The following NCAM1 variants were observed in gnomAD, a reference collection of about 807,000 sequenced individuals.
NCAM1 encodes neural cell adhesion molecule 1.
A neutral mutation model predicts 109.8 loss-of-function variants in NCAM1; 14 were observed. The observed-to-expected ratio is 0.13, with a 90% CI of 0.08 to 0.20. NCAM1 has a LOEUF of 0.20. Among genes scored for constraint, NCAM1 ranks in the 10% least tolerant of loss-of-function variants. The probability of loss-of-function intolerance (pLI) is 1.00; values close to 1 mark genes in which losing one functional copy is unlikely to be tolerated. For missense variants in NCAM1, 774 were observed against 1,109.9 expected (o/e 0.70, Z 4.30); for synonymous variants, 418 against 442.9 (o/e 0.94, Z 0.70).
chr11:113,232,539 G>C (rs1403955100), intron 11 of NCAM1, among the ~76,000 whole-genome samples, 179 bp from the exon 12 acceptor site: 1 of 152,110 alleles, frequency 6.6e-6, no homozygotes, highest in Non-Finnish European at 1.5e-5. Flanking sequence ...TCCCCTCCCT[G>C]AATGTGCCTC....
chr11:113,115,842 C>T (rs1261380852), intron 1 of NCAM1, among the ~76,000 whole-genome samples: 1 of 152,156 alleles, frequency 6.6e-6, no homozygotes, highest in African/African-American at 2.4e-5. Context: ...TGGGATGTCT[C>T]TTTCTTAGTT....
At position 113,256,063 on chromosome 11, in the gene NCAM1, G is replaced by C. The variant is rs1945827025; in HGVS notation, c.1953+62G>C. 9 of 1,548,884 alleles carry C rather than the reference G, an allele frequency of 5.8e-6. No homozygotes were observed. In the Admixed American group the frequency reaches 1.2e-4, roughly 20 times the overall value. The stretch of plus-strand genomic sequence containing the variant: ...GCAACCCTGGCACCCAGCTTGCTAG[G>C]GAAACAACAGGGGCAGCCCACGGGG... On this transcript the variant is annotated intron_variant, in intron 16 of 19. Coordinates refer to ENST00000316851, the MANE Select transcript of NCAM1 (RefSeq NM_181351.5).
At chr11:113,047,914 T>C (rs1324529408) in intron 1 of NCAM1, among the ~76,000 whole-genome samples, 1 of 152,150 alleles carries the variant, frequency 6.6e-6, no homozygotes, top group Non-Finnish European at 1.5e-5. Flanking sequence ...TGGGGAATTA[T>C]GGTAGCTACA....
intron 1 of NCAM1, among the ~76,000 whole-genome samples, chr11:112,972,365 T>C (rs560168377): frequency 1.3e-4 from 20 of 152,236 alleles, no homozygotes; most frequent in African/African-American, 3.6e-4. Context: ...CCACAAGTAT[T>C]TATGTGGCAG....
chr11:113,022,052 CTAA>C (rs1339398857), intron 1 of NCAM1, among the ~76,000 whole-genome samples: 1 of 152,174 alleles, frequency 6.6e-6, no homozygotes, highest in Non-Finnish European at 1.5e-5. Context: ...ACAGAAACTC[CTAA>C]CAGTTGGTCT....
Position 113,264,919 on chromosome 11 carries a change from C to T in NCAM1, c.2131+4596C>T, listed in dbSNP as rs552788232. The T allele has an allele frequency of 1.7e-5, 17 of 985,724 alleles. No individual in the cohort carries two copies. In the African/African-American group the frequency reaches 2.8e-4, roughly 16 times the overall value. The allele number at this position is 985,724 out of a possible 1,614,324, so 61.1% of individuals were successfully genotyped here. ...CCTGGTGACAGCTGCAGCCCCAGCC[C>T]CGCCAGGAGTCCTGGAGACAGCAGC... On this transcript the variant is annotated intron_variant, in intron 17 of 19. Coordinates refer to ENST00000316851, the MANE Select transcript of NCAM1 (RefSeq NM_181351.5).
At chr11:113,225,349 GAATGA>G (rs1358756331) in intron 9 of NCAM1, among the ~76,000 whole-genome samples, 1 of 152,154 alleles carries the variant, frequency 6.6e-6, no homozygotes, top group South Asian at 2.1e-4. Flanking sequence ...AAGATCAAAT[GAATGA>G]AATGAAGTGA....
At chr11:113,102,622 CA>C (rs1267663979) in intron 1 of NCAM1, among the ~76,000 whole-genome samples, 1 of 152,100 alleles carries the variant, frequency 6.6e-6, no homozygotes, top group Non-Finnish European at 1.5e-5. Flanking sequence ...TACCTGTTTG[CA>C]ACTTGGTATT....
chr11:112,980,385 A>G (rs1360600084), intron 1 of NCAM1, among the ~76,000 whole-genome samples: 1 of 151,858 alleles, frequency 6.6e-6, no homozygotes, highest in Admixed American at 6.6e-5. Flanking sequence ...ATGTTCATGG[A>G]ACATTATTAA....
At chr11:113,033,384 T>G (rs1555078610) in intron 1 of NCAM1, among the ~76,000 whole-genome samples, 1 of 152,040 alleles carries the variant, frequency 6.6e-6, no homozygotes, top group Admixed American at 6.6e-5. Context: ...GGGGTGGAGT[T>G]GGGGGTGCCC....
At chr11:113,250,695 C>T (rs1274898911) in intron 15 of NCAM1, among the ~76,000 whole-genome samples, 4 of 152,210 alleles carry the variant, frequency 2.6e-5, no homozygotes, top group African/African-American at 7.2e-5. Flanking sequence ...ATGCAAGCCC[C>T]ACATTTATCA....
At chr11:113,062,642 G>A (rs1389903303) in intron 1 of NCAM1, among the ~76,000 whole-genome samples, 1 of 152,070 alleles carries the variant, frequency 6.6e-6, no homozygotes, top group African/African-American at 2.4e-5. Flanking sequence ...AGGGGTCAGG[G>A]ACGACCTCTC....
At chr11:113,242,180 A>G (rs72995533) in intron 14 of NCAM1, among the ~76,000 whole-genome samples, 12,949 of 152,338 alleles carry the variant, frequency 0.085, 1,095 homozygotes, top group East Asian at 0.4. Flanking sequence ...AATGTGAAGA[A>G]CACAAAACAT....
chr11:113,007,113 A>G (rs990345018), intron 1 of NCAM1, among the ~76,000 whole-genome samples: 1 of 152,196 alleles, frequency 6.6e-6, no homozygotes, highest in Admixed American at 6.5e-5. Flanking sequence ...CAACTTTCCA[A>G]ATAATTACAC....
rs1223313861 is a variant in NCAM1 at position 113,273,764 on chromosome 11, G to T, written c.2457-1503G>T. On this transcript the variant is annotated intron_variant, in intron 19 of 19. Coordinates refer to ENST00000316851, the MANE Select transcript of NCAM1 (RefSeq NM_181351.5). The surrounding 1 kb of genome is among the most constrained non-coding windows in gnomAD (Gnocchi z 6.0). The stretch of plus-strand genomic sequence containing the variant: ...CAAAGACCGAGTACGGCCTCTCTTT[G>T]TCTGCTGTCATCGGGTTGTGTCCTG... The T allele has an allele frequency of 9.4e-6, 4 of 425,768 alleles. No homozygotes were observed. Among genetic ancestry groups the T allele is most frequent in the Admixed American group, 2.5e-5 (1 of 39,528 alleles). The allele number at this position is 425,768 out of a possible 1,614,324, so 26.4% of individuals were successfully genotyped here.
chr11:113,210,005 G>T (rs1263322283), intron 7 of NCAM1, among the ~76,000 whole-genome samples: 1 of 152,092 alleles, frequency 6.6e-6, no homozygotes, highest in Non-Finnish European at 1.5e-5. Context: ...TGTGGACAGG[G>T]GCTGTGTCTG....
intron 17 of NCAM1, chr11:113,262,708 C>G (rs782606649): frequency 3.3e-6 from 3 of 915,366 alleles, no homozygotes; most frequent in Non-Finnish European, 4.8e-6. Flanking sequence ...CTCTACCTTC[C>G]CTTTCCTTCT....
chr11:113,012,856 A>G (rs936013282), intron 1 of NCAM1, among the ~76,000 whole-genome samples: 2 of 152,220 alleles, frequency 1.3e-5, no homozygotes, highest in Admixed American at 6.5e-5. Context: ...TTGGGAGAAC[A>G]TTATTCAACC....
At chr11:113,140,622 CT>C (rs1941781413) in intron 1 of NCAM1, among the ~76,000 whole-genome samples, 1 of 152,190 alleles carries the variant, frequency 6.6e-6, no homozygotes, top group Non-Finnish European at 1.5e-5. Context: ...GAATGTAGGA[CT>C]TTGCATTAAT....
Sources: gnomAD v4.1 joint callset for allele counts (sites outside exome capture counted in the v4.1 genomes callset) on GRCh38, gnomAD v4.1.1 for gene constraint, Gnocchi (gnomAD v3.1) non-coding constraint, MANE v1.5 for transcripts, NCBI Gene and HGNC (gene_info 2026-07-23, HGNC 2026-07-21) for gene names.